PRKCQ: variants seen among roughly 807,000 people sequenced by gnomAD.
The protein encoded by PRKCQ is protein kinase C theta type.
A neutral mutation model predicts 91.2 loss-of-function variants in PRKCQ; 41 were observed. That is an observed-to-expected ratio of 0.45 (90% CI 0.35 to 0.58). The LOEUF (loss-of-function observed/expected upper bound fraction) is 0.58, where lower values mean the gene tolerates loss of function less well. PRKCQ is among the 20% of genes least tolerant of loss of function. PRKCQ has a pLI of 0.00. For synonymous variants in PRKCQ, 307 were observed against 316.9 expected (o/e 0.97, Z 0.33); for missense variants, 673 against 896.5 (o/e 0.75, Z 3.18).
rs1554775188 is a variant in PRKCQ, at chr10:6,505,469, T to TTTTC, written c.379+1966_379+1967insGAAA. 2.1e-5 allele frequency among the ~76,000 whole-genome samples: 3 copies of TTTTC among 144,624 alleles called. No individual in the cohort carries two copies. The East Asian group carries it at 6.2e-4, about 30-fold the overall frequency. The allele number at this position is 144,624 out of a possible 152,430, so 94.9% of individuals were successfully genotyped here. ...CTTTCTTTCTTTTGAAGGACCCTTT[T>TTTTC]TCTCCTTCCTTCCTTCCTTCCCTCC... On this transcript the variant is annotated intron_variant, in intron 4 of 17. Coordinates refer to ENST00000263125, the MANE Select transcript of PRKCQ (RefSeq NM_006257.5).
chr10:6,538,987 T>C (rs1213493826), intron 1 of PRKCQ, among the ~76,000 whole-genome samples: 1 of 152,104 alleles, frequency 6.6e-6, no homozygotes, highest in Non-Finnish European at 1.5e-5. Context: ...TGGTCTTGAA[T>C]TCCTGAGCTC....
At chr10:6,404,833 TTC>T in the PRKCQ span, among the ~76,000 whole-genome samples, 2 of 135,732 alleles carry the variant, frequency 1.5e-5, no homozygotes, top group Admixed American at 7.1e-5. Flanking sequence ...CTTTCCTTCT[TTC>T]TTTCTTTCTT....
At chr10:6,419,189 C>CTA in the PRKCQ span, among the ~76,000 whole-genome samples, 1 of 151,550 alleles carries the variant, frequency 6.6e-6, no homozygotes, top group African/African-American at 2.4e-5. Context: ...CTGTCTATCT[C>CTA]TCTATCTCTC....
intron 7 of PRKCQ, 136 bp downstream of exon 7, chr10:6,496,897 AAG>A: frequency 1.2e-6 from 1 of 801,050 alleles, no homozygotes; most frequent in Non-Finnish European, 2.1e-6. Flanking sequence ...TTGAAGAGGA[AAG>A]AGTTTTGGGG....
rs545157748 is a variant in PRKCQ at position 6,447,038 on chromosome 10, C to T, written c.1648-4957G>A. On this transcript the variant is annotated intron_variant, in intron 15 of 17. Transcript: ENST00000263125. Reference sequence around the variant, plus strand: ...TACCAGTGTGGTTTCCAGGGAAATCCGACTTTCTCCAGGGAGCTGCTTCCA... The same window carrying T: ...TACCAGTGTGGTTTCCAGGGAAATCTGACTTTCTCCAGGGAGCTGCTTCCA... 1.2e-4 allele frequency among the ~76,000 whole-genome samples: 19 copies of T among 152,238 alleles called. 1 individual carries two copies. The South Asian group carries it at 2.3e-3, about 18-fold the overall frequency.
chr10:6,441,683 C>T (rs555030967), intron 16 of PRKCQ, among the ~76,000 whole-genome samples: 1 of 152,248 alleles, frequency 6.6e-6, no homozygotes, highest in South Asian at 2.1e-4. Flanking sequence ...ATAACTGATG[C>T]ACATGAGGGT....
the PRKCQ span, among the ~76,000 whole-genome samples, chr10:6,412,058 A>T: frequency 0.085 from 13,010 of 152,260 alleles, 762 homozygotes; most frequent in Middle Eastern, 0.19. Flanking sequence ...GAAGTTGAGG[A>T]GAAACTTATT....
chr10:6,556,112 T>C (rs1159626830), intron 1 of PRKCQ, among the ~76,000 whole-genome samples: 1 of 152,170 alleles, frequency 6.6e-6, no homozygotes, highest in Non-Finnish European at 1.5e-5. Flanking sequence ...TATTCCTTTT[T>C]CTTATCCCAT....
At chr10:6,452,156 T>C (rs1463031560) in intron 15 of PRKCQ, among the ~76,000 whole-genome samples, 1 of 152,212 alleles carries the variant, frequency 6.6e-6, no homozygotes, top group African/African-American at 2.4e-5. Flanking sequence ...GCAGATGACA[T>C]GATTGTATAT....
chr10:6,508,531 T>A (rs1838311865), intron 3 of PRKCQ, among the ~76,000 whole-genome samples: 1 of 152,256 alleles, frequency 6.6e-6, no homozygotes, highest in Non-Finnish European at 1.5e-5. Context: ...GAGAATTTTA[T>A]GATAAAATAA....
chr10:6,554,725 T>C (rs1840340757), intron 1 of PRKCQ, among the ~76,000 whole-genome samples: 1 of 152,196 alleles, frequency 6.6e-6, no homozygotes, highest in Admixed American at 6.5e-5. Context: ...TTCATTTCCA[T>C]TAAAAATTAC....
chr10:6,571,932 G>A (rs2130977905), intron 1 of PRKCQ, among the ~76,000 whole-genome samples: 1 of 152,324 alleles, frequency 6.6e-6, no homozygotes, highest in East Asian at 1.9e-4. Flanking sequence ...GGTATGGAAA[G>A]AATACCACCA....
intron 1 of PRKCQ, among the ~76,000 whole-genome samples, chr10:6,577,011 A>T (rs112906775): frequency 0.02 from 2,986 of 152,266 alleles, 70 homozygotes; most frequent in African/African-American, 0.057. Context: ...TAAATAATAA[A>T]GACTCAAAAC....
intron 8 of PRKCQ, among the ~76,000 whole-genome samples, chr10:6,486,711 A>G (rs1050955420): frequency 6.6e-6 from 1 of 152,228 alleles, no homozygotes; most frequent in Admixed American, 6.5e-5. Flanking sequence ...TCCTGGGCTA[A>G]GCCCCACTTT....
At chr10:6,525,097 T>A (rs1050234761) in intron 1 of PRKCQ, among the ~76,000 whole-genome samples, 2 of 152,170 alleles carry the variant, frequency 1.3e-5, no homozygotes, top group Non-Finnish European at 2.9e-5. Context: ...AACTAATGAC[T>A]TTAAAATTAT....
chr10:6,510,750 C>T (rs1206670446), intron 3 of PRKCQ, among the ~76,000 whole-genome samples: 1 of 152,166 alleles, frequency 6.6e-6, no homozygotes, highest in African/African-American at 2.4e-5. Context: ...AATAATTTAT[C>T]ATAGTCTAAG....
downstream of PRKCQ, among the ~76,000 whole-genome samples, chr10:6,422,232 T>C (rs1000890614): frequency 6.6e-6 from 1 of 152,248 alleles, no homozygotes; most frequent in African/African-American, 2.4e-5. Flanking sequence ...GTGCTTTGCA[T>C]AGATGGCGTT....
intron 11 of PRKCQ, among the ~76,000 whole-genome samples, chr10:6,479,767 T>TAAAAAAAAA (rs34610362): frequency 1.8e-4 from 7 of 38,988 alleles, no homozygotes; most frequent in African/African-American, 3.4e-4. Flanking sequence ...CCGTCTCGAC[T>TAAAAAAAAA]AAAAAAAAAA....
intron 15 of PRKCQ, among the ~76,000 whole-genome samples, chr10:6,450,542 G>C (rs962429194): frequency 6.6e-6 from 1 of 152,176 alleles, no homozygotes; most frequent in African/African-American, 2.4e-5. Context: ...AGTTAACAAG[G>C]ATACCCAGGA....
Sources: allele counts gnomAD v4.1 joint callset (sites outside exome capture counted in the v4.1 genomes callset), GRCh38; gene constraint gnomAD v4.1.1; transcripts MANE v1.5; gene names NCBI Gene and HGNC (gene_info 2026-07-23, HGNC 2026-07-21).